TMEM230: variants seen among roughly 807,000 people sequenced by gnomAD.
TMEM230 encodes the protein transmembrane protein 230, also known as UPF0414 transmembrane protein C20orf30.
In TMEM230, 10 loss-of-function variants were observed where a neutral mutation model predicts 15.8. The observed-to-expected ratio is 0.63, with a 90% CI of 0.39 to 1.07. The LOEUF is 1.07. TMEM230 is among the 50% of genes least tolerant of loss of function. The pLI, the probability that TMEM230 is intolerant of heterozygous loss-of-function variation, is 0.01. For missense variants in TMEM230, 165 were observed against 193.3 expected, an observed-to-expected ratio of 0.85 and a Z score of 0.87; for synonymous variants, 67 against 76.9, an observed-to-expected ratio of 0.87 and a Z score of 0.68.
chr20:5,112,779 C>A (rs149865687), intron 1 of TMEM230, 182 bp downstream of exon 1: 1 of 1,481,328 alleles, frequency 6.8e-7, no homozygotes, highest in South Asian at 1.3e-5. Flanking sequence ...AAATAAGAAC[C>A]GACGCGAATT....
chr20:5,083,903 C>T lies in TMEM230; in HGVS notation c.223-14554G>A, dbSNP rs76959581. 2.6e-3 allele frequency among the ~76,000 whole-genome samples: 389 copies of T among 152,258 alleles called. 3 individuals carry two copies. Among genetic ancestry groups the T allele is most frequent in the African/African-American group, 8.9e-3 (371 of 41,540 alleles). ...AGGGAATACATGTGCAAGTTTGTTA[C>T]GTGGGTAAATTATGTATCGTGGGGG... On this transcript the variant is annotated intron_variant, in intron 3 of 3. Transcript: ENST00000612323.
intron 3 of TMEM230, among the ~76,000 whole-genome samples, chr20:5,088,926 A>G (rs2089432645): frequency 6.6e-6 from 1 of 152,234 alleles, no homozygotes; most frequent in Non-Finnish European, 1.5e-5. Flanking sequence ...GTGGGAACTT[A>G]GTATAATAGA....
intron 3 of TMEM230, chr20:5,069,376 T>C (rs1600259373): frequency 2.6e-6 from 4 of 1,517,488 alleles, no homozygotes; most frequent in Non-Finnish European, 3.5e-6. Flanking sequence ...CCTTCTCAAT[T>C]CCACCACAAG....
At chr20:5,072,499 T>A (rs944124141) in intron 3 of TMEM230, among the ~76,000 whole-genome samples, 2 of 151,468 alleles carry the variant, frequency 1.3e-5, no homozygotes, top group Admixed American at 6.6e-5. Flanking sequence ...TAGGAAAGAG[T>A]GTTTTTTTCC....
chr20:5,094,728 A>AAAAC (rs1568493189), intron 3 of TMEM230, among the ~76,000 whole-genome samples: 1 of 149,222 alleles, frequency 6.7e-6, no homozygotes, highest in African/African-American at 2.5e-5. Context: ...AAAAAAAAAA[A>AAAAC]TTTGTACATC....
chr20:5,110,438 C>A (rs2090267274), intron 2 of TMEM230, among the ~76,000 whole-genome samples: 1 of 152,074 alleles, frequency 6.6e-6, no homozygotes. Context: ...GCGTGTGCCA[C>A]CACGCCTGGC....
chr20:5,082,592 A>T (rs1301580125), intron 3 of TMEM230, among the ~76,000 whole-genome samples: 1 of 151,908 alleles, frequency 6.6e-6, no homozygotes, highest in Non-Finnish European at 1.5e-5. Flanking sequence ...ACAGGTGCCC[A>T]CCACCACACC....
chr20:5,072,718 C>T (rs1463546019), intron 3 of TMEM230, among the ~76,000 whole-genome samples: 10 of 151,378 alleles, frequency 6.6e-5, no homozygotes, highest in African/African-American at 9.7e-5. Context: ...GCGTGATGGC[C>T]GGCACATGTA....
intron 3 of TMEM230, among the ~76,000 whole-genome samples, chr20:5,076,572 G>T (rs936371320): frequency 9.2e-5 from 14 of 151,402 alleles, no homozygotes; most frequent in Non-Finnish European, 2.1e-4. Flanking sequence ...AATAAATATC[G>T]TTGAATGGAT....
At chr20:5,091,397 G>T (rs1037864836) in intron 3 of TMEM230, among the ~76,000 whole-genome samples, 3 of 152,132 alleles carry the variant, frequency 2.0e-5, no homozygotes, top group African/African-American at 7.2e-5. Flanking sequence ...TTTTAGTAGA[G>T]ATGGGGTTTC....
At chr20:5,084,112 T>C (rs1489453696) in intron 3 of TMEM230, among the ~76,000 whole-genome samples, 3 of 152,146 alleles carry the variant, frequency 2.0e-5, no homozygotes, top group Non-Finnish European at 4.4e-5. Context: ...ATGTGTGGTA[T>C]TTGGTTTTCT....
At chr20:5,103,298 CCAAA>C (rs2089944353) in intron 4 of TMEM230, among the ~76,000 whole-genome samples, 1 of 152,022 alleles carries the variant, frequency 6.6e-6, no homozygotes, top group South Asian at 2.1e-4. Flanking sequence ...CTCATCTCTA[CCAAA>C]CAAACAAAAA....
At chr20:5,069,762 T>C (rs913715430) in intron 3 of TMEM230, among the ~76,000 whole-genome samples, 25 of 152,010 alleles carry the variant, frequency 1.6e-4, no homozygotes, top group African/African-American at 6.0e-4. Context: ...TAGGCTGGAG[T>C]GCAGTGGCAC....
chr20:5,112,759 C>A (rs1411016077), intron 1 of TMEM230: 5 of 1,466,704 alleles, frequency 3.4e-6, no homozygotes, highest in Non-Finnish European at 9.0e-7. Flanking sequence ...TCAGACCTTG[C>A]CAGGGAGAGA....
chr20:5,094,704 C>CAAAAAA (rs774664710), intron 3 of TMEM230, among the ~76,000 whole-genome samples: 958 of 61,442 alleles, frequency 0.016, 57 homozygotes, highest in African/African-American at 0.058. Flanking sequence ...GACTCCATCT[C>CAAAAAA]AAAAAAAAAA....
intron 3 of TMEM230, among the ~76,000 whole-genome samples, chr20:5,107,373 C>T (rs2090137123): frequency 6.6e-6 from 1 of 152,138 alleles, no homozygotes. Flanking sequence ...TAAGTATGTC[C>T]TACCACCCAG....
chr20:5,092,042 G>A (rs1205799028), intron 3 of TMEM230, among the ~76,000 whole-genome samples: 2 of 152,196 alleles, frequency 1.3e-5, no homozygotes, highest in South Asian at 2.1e-4. Context: ...ATATAAACGT[G>A]AGCTTACTCT....
chr20:5,081,545 C>T (rs112039349), intron 3 of TMEM230, among the ~76,000 whole-genome samples: 18 of 152,318 alleles, frequency 1.2e-4, no homozygotes, highest in African/African-American at 2.6e-4. Context: ...TAGGCACACA[C>T]GCCACCTAAA....
chr20:5,110,410 G>A (rs933433015), intron 2 of TMEM230, among the ~76,000 whole-genome samples: 19 of 151,876 alleles, frequency 1.3e-4, no homozygotes, highest in African/African-American at 4.6e-4. Context: ...TCAGCCTCCT[G>A]AGTAGCTGGG....
Sources: allele counts gnomAD v4.1 joint callset (sites outside exome capture counted in the v4.1 genomes callset), GRCh38; gene constraint gnomAD v4.1.1; transcripts MANE v1.5; gene names NCBI Gene and HGNC (gene_info 2026-07-23, HGNC 2026-07-21).